The following FANCA variants were observed in gnomAD, a reference collection of about 807,000 sequenced individuals.
FANCA encodes Fanconi anemia group A protein.
Under a neutral mutation model 194.3 loss-of-function variants are expected in FANCA, and 236 were observed. The observed-to-expected ratio is 1.21, with a 90% CI of 1.09 to 1.35. FANCA has a LOEUF of 1.35. Among genes scored for constraint, FANCA ranks in the 40% most tolerant of loss-of-function variants. The pLI is 0.00. For missense variants in FANCA, 2,628 were observed against 1,813.9 expected, an observed-to-expected ratio of 1.45 and a Z score of -8.15; for synonymous variants, 1,014 against 715.8, an observed-to-expected ratio of 1.42 and a Z score of -6.65.
intron 18 of FANCA, 135 bp from the exon 19 acceptor site, chr16:89,779,138 T>C (rs554346585): frequency 1.4e-5 from 12 of 839,102 alleles, no homozygotes; most frequent in African/African-American, 3.4e-5. Context: ...AGTCTTCTTG[T>C]GCACAGTTCC....
At position 89,812,136 on chromosome 16, in the gene FANCA, C is replaced by A. The variant is rs535985058; in HGVS notation, c.284-1065G>T. Among the ~76,000 whole-genome samples the A allele has an allele frequency of 2.1e-5, 3 of 144,540 alleles. No individual in the cohort carries two copies. The East Asian group carries it at 6.4e-4, about 31-fold the overall frequency. The allele number at this position is 144,540 out of a possible 152,430, so 94.8% of individuals were successfully genotyped here. A position where few individuals can be genotyped will look rare whatever the true frequency, so the allele number is the denominator to read the frequency against. ...GGATTACAAGGTCAGGAGATCGAGACCATCCTGGCTAACACGGTGAAACCC... is the reference window on the plus strand; with the variant it reads ...GGATTACAAGGTCAGGAGATCGAGAACATCCTGGCTAACACGGTGAAACCC... On this transcript the variant is annotated intron_variant, in intron 3 of 42. Coordinates refer to ENST00000389301, the MANE Select transcript of FANCA (RefSeq NM_000135.4).
In FANCA at chr16:89,746,673, A is replaced by G. The variant is rs2038401184; in HGVS notation, c.3424T>C (p.Cys1142Arg). The G allele has an allele frequency of 6.2e-7, 1 of 1,614,136 alleles. No individual in the cohort carries two copies. Among genetic ancestry groups the G allele is most frequent in the Non-Finnish European group, 8.5e-7 (1 of 1,180,010 alleles). ...AGGGAGGGGTCTCTGCTCCGCAGAC[A>G]GGCGTTCAGGAGGCCCTGCAGGAGA... ...AHFFRGLLNA[C>R]LRSRDPSLMV... The change falls in exon 35 of 43, where the codon TGT becomes CGT. Residue 1142 changes from cysteine (C) to arginine (R), a missense_variant. Cys to Arg is a radical substitution (Grantham distance 180, BLOSUM62 -3). Coordinates refer to ENST00000389301, the MANE Select transcript of FANCA (RefSeq NM_000135.4).
intron 30 of FANCA, among the ~76,000 whole-genome samples, chr16:89,756,551 G>A (rs1371301231): frequency 6.6e-6 from 1 of 152,218 alleles, no homozygotes; most frequent in Non-Finnish European, 1.5e-5. Context: ...CTTGAGCCCA[G>A]GAGGTCGAGG....
chr16:89,792,642 C>T (rs2040114867), intron 11 of FANCA, 95 bp from the exon 12 acceptor site: 3 of 1,013,906 alleles, frequency 3.0e-6, no homozygotes, highest in Non-Finnish European at 3.1e-6. Flanking sequence ...GTGGGTCTCT[C>T]CCCGTGTGCG....
At position 89,764,980 on chromosome 16, in the gene FANCA, C is replaced by T. The variant is rs142393744; in HGVS notation, c.2688G>A (p.Leu896=). ...TCTGCCAGTCTGCAGAAGGAAGGTG[C>T]AAGGGTCTCCAGGAAAGGCTGGCTA... is the stretch of plus-strand genomic sequence containing the variant. ...EDVASLSWRP[L]HLPSADWQRA... The change falls in exon 28 of 43, where the codon TTG becomes TTA. Residue 896 remains leucine, a synonymous_variant. Transcript: ENST00000389301. 1 of 1,614,240 alleles carries T rather than the reference C, an allele frequency of 6.2e-7. No individual in the cohort carries two copies. The highest frequency in any genetic ancestry group is 8.5e-7 in the Non-Finnish European group (1 of 1,180,034).
At chr16:89,765,197 C>A in intron 27 of FANCA, 131 bp from the exon 28 acceptor site, 1 of 1,130,960 alleles carries the variant, frequency 8.8e-7, no homozygotes, top group Non-Finnish European at 1.3e-6. Context: ...GACCTCAGTC[C>A]AGCCCCTGGG....
chr16:89,809,231 T>A (rs986747961), intron 5 of FANCA, among the ~76,000 whole-genome samples: 19 of 151,852 alleles, frequency 1.3e-4, no homozygotes, highest in Non-Finnish European at 1.3e-4. Flanking sequence ...TCACAGTCCG[T>A]GCAGGAAGGC....
rs2039278966 is a variant in FANCA, at chr16:89,770,262, G to A, written c.2223-3C>T. ...AGAGGGCAGCCCAGGGACCCTGCCT[G>A]CAGAGACAGCCGTGAAACCATCAGT... On this transcript the variant is annotated splice_region_variant and splice_polypyrimidine_tract_variant and intron_variant, in intron 24 of 42. Coordinates refer to ENST00000389301, the MANE Select transcript of FANCA (RefSeq NM_000135.4). 6 of 1,569,702 alleles carry A rather than the reference G, an allele frequency of 3.8e-6. No individual in the cohort carries two copies. Among genetic ancestry groups the A allele is most frequent in the Non-Finnish European group, 5.2e-6 (6 of 1,157,104 alleles).
In FANCA at chr16:89,803,275, G is replaced by C. The variant is rs1598173112; in HGVS notation, c.776C>G (p.Pro259Arg). The change falls in exon 8 of 43, where the codon CCT becomes CGT. Residue 259 changes from proline to arginine, a missense_variant. Coordinates refer to ENST00000389301, the MANE Select transcript of FANCA (RefSeq NM_000135.4). Reference protein sequence around the residue: ...KNSDLRRTVEPEKMPQVTVDV... With the variant: ...KNSDLRRTVEREKMPQVTVDV... ...TCCTCCTACCTGCGGCATTTTTTCAGGCTCCACAGTTCTTCTCAGATCTGA... is the reference window on the plus strand; with the variant it reads ...TCCTCCTACCTGCGGCATTTTTTCACGCTCCACAGTTCTTCTCAGATCTGA... 3.7e-6 allele frequency: 6 copies of C among 1,614,106 alleles called. No homozygotes were observed. Among genetic ancestry groups the C allele is most frequent in the Middle Eastern group, 1.6e-4 (1 of 6,062 alleles).
At chr16:89,771,219 G>A (rs1367961824) in intron 23 of FANCA, among the ~76,000 whole-genome samples, 4 of 151,008 alleles carry the variant, frequency 2.6e-5, no homozygotes, top group African/African-American at 9.8e-5. Flanking sequence ...AACACTTTGG[G>A]AGGCTGAGGC....
chr16:89,741,848 C>A (rs1260933430), intron 37 of FANCA, among the ~76,000 whole-genome samples: 2 of 152,160 alleles, frequency 1.3e-5, no homozygotes, highest in African/African-American at 4.8e-5. Context: ...ACAGAAGGCA[C>A]CACTTGAAGG....
At position 89,742,975 on chromosome 16, in the gene FANCA, C is replaced by A. The variant is rs376736010; in HGVS notation, c.3627-37G>T. 1.5e-5 allele frequency: 24 copies of A among 1,599,954 alleles called. No homozygotes were observed. In the African/African-American group the frequency reaches 2.4e-4, roughly 16 times the overall value. Reference sequence around the variant, plus strand: ...AGAACGGGGTCATTGCAGGGCCTTACAACCATACAACCACGCCATAGAAAC... The same window carrying A: ...AGAACGGGGTCATTGCAGGGCCTTAAAACCATACAACCACGCCATAGAAAC... On this transcript the variant is annotated intron_variant, in intron 36 of 42. Transcript: ENST00000389301.
At chr16:89,788,460 A>G (rs1029758004) in intron 14 of FANCA, among the ~76,000 whole-genome samples, 4 of 151,874 alleles carry the variant, frequency 2.6e-5, no homozygotes, top group African/African-American at 9.7e-5. Flanking sequence ...ACATAACAAA[A>G]ACAGATGTTC....
intron 20 of FANCA, among the ~76,000 whole-genome samples, chr16:89,777,012 G>C (rs911173045): frequency 6.6e-6 from 1 of 151,794 alleles, no homozygotes; most frequent in Non-Finnish European, 1.5e-5. Context: ...AAGAGAGAGA[G>C]AAGCCTGGGC....
At chr16:89,805,205 C>T in intron 7 of FANCA, 75 bp downstream of exon 7, 1 of 1,150,132 alleles carries the variant, frequency 8.7e-7, no homozygotes, top group Non-Finnish European at 1.3e-6. Context: ...CCTCGCAGAG[C>T]TCTTGAGAGC....
chr16:89,782,069 G>C (rs937883813), intron 17 of FANCA, among the ~76,000 whole-genome samples: 2 of 151,558 alleles, frequency 1.3e-5, no homozygotes, highest in African/African-American at 2.4e-5. Context: ...CTGACATTTG[G>C]CTGCTATAAA....
At position 89,753,520 on chromosome 16, in the gene FANCA, AACCG is replaced by A. The variant is rs1394147253; in HGVS notation, c.2982-1302_2982-1299del. 5.9e-5 allele frequency among the ~76,000 whole-genome samples: 9 copies of A among 152,310 alleles called. No homozygotes were observed. The East Asian group carries it at 1.7e-3, about 29-fold the overall frequency. ...AGTTATCAATAAAATAAAAAGCAAAAACCGTAAGATTATCTCAATAGATGTAGAA... is the reference window on the plus strand; with the variant it reads ...AGTTATCAATAAAATAAAAAGCAAAATAAGATTATCTCAATAGATGTAGAA... On this transcript the variant is annotated intron_variant, in intron 30 of 42. Coordinates refer to ENST00000389301, the MANE Select transcript of FANCA (RefSeq NM_000135.4).
chr16:89,747,201 G>C (rs1394278327), intron 33 of FANCA, among the ~76,000 whole-genome samples: 1 of 152,238 alleles, frequency 6.6e-6, no homozygotes, highest in Non-Finnish European at 1.5e-5. Flanking sequence ...GCGTAGAACT[G>C]TGGTGAGGAC....
intron 13 of FANCA, 132 bp downstream of exon 13, chr16:89,791,795 G>T: frequency 1.7e-6 from 2 of 1,190,734 alleles, no homozygotes; most frequent in Non-Finnish European, 2.5e-6. Context: ...TCCATCGACA[G>T]GAGGCACTGC....
Sources: gnomAD v4.1 joint callset for allele counts (sites outside exome capture counted in the v4.1 genomes callset) on GRCh38, gnomAD v4.1.1 for gene constraint, MANE v1.5 for transcripts, NCBI Gene and HGNC (gene_info 2026-07-23, HGNC 2026-07-21) for gene names.